SLC30A10: variants seen among roughly 807,000 people sequenced by gnomAD.
The protein encoded by SLC30A10 is calcium/manganese antiporter SLC30A10.
In SLC30A10, 8 loss-of-function variants were observed where a neutral mutation model predicts 21.7. The observed-to-expected ratio is 0.37, with a 90% CI of 0.22 to 0.67. The LOEUF (loss-of-function observed/expected upper bound fraction) is 0.67, where lower values mean the gene tolerates loss of function less well. Among genes scored for constraint, SLC30A10 ranks in the 30% least tolerant of loss-of-function variants. The pLI is 0.58. For missense variants in SLC30A10, 521 were observed against 642.5 expected, an observed-to-expected ratio of 0.81 and a Z score of 2.04; for synonymous variants, 272 against 279.4, an observed-to-expected ratio of 0.97 and a Z score of 0.26.
At chr1:219,925,651 A>ATATATATATATATATATATATT (rs1317554458) in intron 2 of SLC30A10, among the ~76,000 whole-genome samples, 7 of 48,278 alleles carry the variant, frequency 1.4e-4, no homozygotes, top group East Asian at 8.2e-4. Flanking sequence ...ATATATATAT[A>ATATATATATATATATATATATT]TTTTTTTTTT....
chr1:219,939,433 TTTTTTTTTC>T (rs1485912491), intron 1 of SLC30A10, among the ~76,000 whole-genome samples: 1 of 151,316 alleles, frequency 6.6e-6, no homozygotes, highest in African/African-American at 2.4e-5. Flanking sequence ...TTTTTTTTCC[TTTTTTTTTC>T]TTTGAGACCA....
chr1:219,936,008 C>T (rs1660040181), intron 1 of SLC30A10, among the ~76,000 whole-genome samples: 1 of 152,194 alleles, frequency 6.6e-6, no homozygotes, highest in Admixed American at 6.5e-5. Flanking sequence ...GCCATCATGA[C>T]CTACCTGCTA....
At chr1:219,951,360 G>C (rs541868941) in intron 1 of SLC30A10, among the ~76,000 whole-genome samples, 11 of 152,242 alleles carry the variant, frequency 7.2e-5, no homozygotes, top group African/African-American at 2.2e-4. Flanking sequence ...GAGGGAGGAC[G>C]TTCCAGAACA....
rs1428905487 is a variant in SLC30A10 at position 219,928,493 on chromosome 1, C to G, written c.-53G>C. The G allele has an allele frequency of 2.8e-6, 4 of 1,446,470 alleles. No individual in the cohort carries two copies. The highest frequency in any genetic ancestry group is 2.8e-5 in the Admixed American group (1 of 35,698). The allele number at this position is 1,446,470 out of a possible 1,614,324, so 89.6% of individuals were successfully genotyped here. A position where few individuals can be genotyped will look rare whatever the true frequency, so the allele number is the denominator to read the frequency against. On this transcript the variant is annotated 5_prime_UTR_variant, in exon 1 of 4. Transcript: ENST00000366926. The surrounding 1 kb of genome is among the most constrained non-coding windows in gnomAD (Gnocchi z 6.3). ...CCGCCCAGGGGAGCGCAGCCCACCCCGCGCGCAGCCACAGGTGGGGGGCGC... is the reference window on the plus strand; with the variant it reads ...CCGCCCAGGGGAGCGCAGCCCACCCGGCGCGCAGCCACAGGTGGGGGGCGC...
chr1:219,957,095 T>C (rs1660364022), intron 1 of SLC30A10, among the ~76,000 whole-genome samples: 1 of 152,218 alleles, frequency 6.6e-6, no homozygotes, highest in Non-Finnish European at 1.5e-5. Flanking sequence ...GCTCTAGTAG[T>C]AATTTTCACG....
rs538266642 is a variant in SLC30A10 at position 219,935,258 on chromosome 1, A to G, written n.81-8153T>C. Among the ~76,000 whole-genome samples, 13 of 152,328 alleles carry G rather than the reference A, an allele frequency of 8.5e-5. No individual in the cohort carries two copies. In the South Asian group the frequency reaches 2.5e-3, roughly 29 times the overall value. Reference sequence around the variant, plus strand: ...TTTGTAAGTTACAACAAGGTTTCCTATGTGTTCTTTGGTGCCATCAGAAAC... The same window carrying G: ...TTTGTAAGTTACAACAAGGTTTCCTGTGTGTTCTTTGGTGCCATCAGAAAC... On this transcript the variant is annotated intron_variant and non_coding_transcript_variant, in intron 1 of 8. Transcript: ENST00000484239.
chr1:219,927,906 C>T lies in SLC30A10; in HGVS notation c.535G>A (p.Ala179Thr). 6.5e-7 allele frequency: 1 copy of T among 1,538,596 alleles called. No homozygotes were observed. Among genetic ancestry groups the T allele is most frequent in the Non-Finnish European group, 8.8e-7 (1 of 1,142,496 alleles). Reference sequence around the variant, plus strand: ...GAGCCTGGGGCTGTCGGGTCCGCCGCGCGCCGCGGGTCCTCCGCGCCCTGA... The same window carrying T: ...GAGCCTGGGGCTGTCGGGTCCGCCGTGCGCCGCGGGTCCTCCGCGCCCTGA... Reference protein sequence around the residue: ...GPQGAEDPRRAADPTAPGSDS... With the variant: ...GPQGAEDPRRTADPTAPGSDS... Residue 179 changes from alanine (A) to threonine (T), a missense_variant, in exon 1 of 4, where the codon GCG (alanine) becomes ACG (threonine). Physicochemically the swap from Ala to Thr is moderately conservative, Grantham distance 58 (BLOSUM62 0). Transcript: ENST00000366926.
rs1294876965 is a variant in SLC30A10 at position 219,915,525 on chromosome 1, C to T, written c.1382G>A (p.Ser461Asn). 6.2e-7 allele frequency: 1 copy of T among 1,614,244 alleles called. No individual in the cohort carries two copies. ...ACTTTGTCCGTGGTCACTCAGACAG[C>T]TATCCAAAGACACTTCAATAGCCAC... ...REVAIEVSLD[S>N]CLSDHGQSLN... The change falls in exon 4 of 4, where the codon AGC becomes AAC. Residue 461 changes from serine to asparagine, a missense_variant. Coordinates refer to ENST00000366926, the MANE Select transcript of SLC30A10 (RefSeq NM_018713.3).
intron 1 of SLC30A10, among the ~76,000 whole-genome samples, chr1:219,941,121 AAGG>A (rs1331935691): frequency 6.6e-6 from 1 of 152,208 alleles, no homozygotes; most frequent in Non-Finnish European, 1.5e-5. Context: ...CTGAGAGGAG[AAGG>A]AGAACACAGA....
At chr1:219,933,248 C>T (rs1659995469), upstream of SLC30A10, among the ~76,000 whole-genome samples, 3 of 152,042 alleles carry the variant, frequency 2.0e-5, no homozygotes, top group South Asian at 6.2e-4. Context: ...TTCAAAATGC[C>T]ACTTGTTCTT....
intron 1 of SLC30A10, among the ~76,000 whole-genome samples, chr1:219,946,086 A>T (rs1290867328): frequency 6.6e-6 from 1 of 152,178 alleles, no homozygotes; most frequent in Non-Finnish European, 1.5e-5. Flanking sequence ...AAGTTCAAAG[A>T]TATTTAATTT....
At position 219,918,337 on chromosome 1, in the gene SLC30A10, C is replaced by T. The variant is rs1659595661; in HGVS notation, c.876G>A (p.Leu292=). 1 of 1,613,978 alleles carries T rather than the reference C, an allele frequency of 6.2e-7. No homozygotes were observed. The change falls in exon 3 of 4, where the codon TTG becomes TTA. Residue 292 remains leucine (L), a synonymous_variant. Coordinates refer to ENST00000366926, the MANE Select transcript of SLC30A10 (RefSeq NM_018713.3). The surrounding 1 kb of genome is among the most constrained non-coding windows in gnomAD (Gnocchi z 4.4). ...CCTTGATAAGCGGGAAGGCAGATGA[C>T]AAAATGATGATGACCATGAGGACAG... The part of the protein sequence containing the change: ...SLTVLMVIII[L]SSAFPLIKET...
rs369027432 is a variant in SLC30A10, at chr1:219,955,728, A to T, written n.80+2840T>A. Among the ~76,000 whole-genome samples, 77 of 152,334 alleles carry T rather than the reference A, an allele frequency of 5.1e-4. 3 individuals are homozygous for T. The South Asian group carries it at 0.015, about 30-fold the overall frequency. ...GGCTTGTTAAGCAAAATCTCTAGTT[A>T]GAGATTCCACAAAAGAAGTGATACA... On this transcript the variant is annotated intron_variant and non_coding_transcript_variant, in intron 1 of 8. Transcript: ENST00000484239.
chr1:219,919,538 G>A (rs1022555885), intron 2 of SLC30A10, among the ~76,000 whole-genome samples: 10 of 152,124 alleles, frequency 6.6e-5, no homozygotes, highest in African/African-American at 2.2e-4. Flanking sequence ...CACTTTGGGA[G>A]GCCAAGGCAG....
intron 1 of SLC30A10, among the ~76,000 whole-genome samples, chr1:219,938,146 G>C (rs1296919706): frequency 6.6e-6 from 1 of 152,108 alleles, no homozygotes; most frequent in Non-Finnish European, 1.5e-5. Flanking sequence ...TTTGAGTGGG[G>C]CACTTATATC....
At chr1:219,921,058 G>A (rs537785859) in intron 2 of SLC30A10, among the ~76,000 whole-genome samples, 6 of 152,260 alleles carry the variant, frequency 3.9e-5, no homozygotes, top group Non-Finnish European at 7.4e-5. Flanking sequence ...AAGAAAACAA[G>A]CCGCGTGGAA....
rs776475615 is a variant in SLC30A10 at position 219,915,903 on chromosome 1, A to C, written c.1004T>G (p.Val335Gly). Reference sequence around the variant, plus strand: ...TCCACTTACAAGTTCCCAGATGTGCACTTCATGTACACTGCTAATTCCAGG... The same window carrying C: ...TCCACTTACAAGTTCCCAGATGTGCCCTTCATGTACACTGCTAATTCCAGG... ...AVPGISSVHE[V>G]HIWELVSGKI... The change falls in exon 4 of 4, where the codon GTG (valine) becomes GGG (glycine). Residue 335 changes from valine to glycine, a missense_variant. Coordinates refer to ENST00000366926, the MANE Select transcript of SLC30A10 (RefSeq NM_018713.3). 3.7e-6 allele frequency: 6 copies of C among 1,614,182 alleles called. No individual in the cohort carries two copies. The highest frequency in any genetic ancestry group is 1.1e-5 in the South Asian group (1 of 91,082).
chr1:219,956,663 TAAAAAAAA>T (rs34477686), intron 1 of SLC30A10, among the ~76,000 whole-genome samples: 1 of 136,424 alleles, frequency 7.3e-6, no homozygotes, highest in African/African-American at 2.7e-5. Flanking sequence ...AAATAAAAAT[TAAAAAAAA>T]AAAAAAGAAG....
rs1375503047 is a variant in SLC30A10, at chr1:219,911,553, A to C, written c.*3896T>G. On this transcript the variant is annotated 3_prime_UTR_variant, in exon 4 of 4. Coordinates refer to ENST00000366926, the MANE Select transcript of SLC30A10 (RefSeq NM_018713.3). ...GAGTGAGACCAAATGCTTTTTCTTC[A>C]TTTCATTTACTGTTATAATGACTGA... Among the ~76,000 whole-genome samples, 1 of 152,098 alleles carries C rather than the reference A, an allele frequency of 6.6e-6. No individual in the cohort carries two copies. Among genetic ancestry groups the C allele is most frequent in the Non-Finnish European group, 1.5e-5 (1 of 68,002 alleles).
Sources: gnomAD v4.1 joint callset for allele counts (sites outside exome capture counted in the v4.1 genomes callset) on GRCh38, gnomAD v4.1.1 for gene constraint, Gnocchi (gnomAD v3.1) non-coding constraint, MANE v1.5 for transcripts, NCBI Gene and HGNC (gene_info 2026-07-23, HGNC 2026-07-21) for gene names.